Variants in ADAMTSL1 observed in about 807,000 individuals in gnomAD.
ADAMTSL1 encodes ADAMTS like 1.
Under a neutral mutation model 201.8 loss-of-function variants are expected in ADAMTSL1, and 126 were observed. The observed-to-expected ratio is 0.62, with a 90% CI of 0.54 to 0.72. The LOEUF is 0.72. ADAMTSL1 is among the 30% of genes least tolerant of loss of function. The pLI is 0.00. For missense variants in ADAMTSL1, 2,679 were observed against 2,277.8 expected (o/e 1.18, Z -3.59); for synonymous variants, 1,121 against 903.4 (o/e 1.24, Z -4.32).
intron 23 of ADAMTSL1, among the ~76,000 whole-genome samples, chr9:18,839,034 T>TA (rs1021844701): frequency 5.3e-5 from 8 of 150,816 alleles, no homozygotes; most frequent in East Asian, 1.9e-4. Flanking sequence ...TTTTTTTTTT[T>TA]AATTTTATTA....
chr9:17,955,973 T>C (rs952479238), intron 1 of ADAMTSL1, among the ~76,000 whole-genome samples: 1 of 152,178 alleles, frequency 6.6e-6, no homozygotes, highest in African/African-American at 2.4e-5. Context: ...ACACATTTTT[T>C]AAAACAAATC....
At chr9:18,322,670 A>G (rs985031504) in intron 2 of ADAMTSL1, among the ~76,000 whole-genome samples, 19 of 152,096 alleles carry the variant, frequency 1.2e-4, no homozygotes, top group African/African-American at 4.6e-4. Flanking sequence ...CAAAAAGAAA[A>G]ACCGTTAGCA....
intron 1 of ADAMTSL1, among the ~76,000 whole-genome samples, chr9:18,141,457 C>T (rs1446539447): frequency 6.6e-6 from 1 of 152,148 alleles, no homozygotes; most frequent in Non-Finnish European, 1.5e-5. Flanking sequence ...ATTCAAGATT[C>T]TGAGGTTAAA....
chr9:18,333,038 C>A, intron 2 of ADAMTSL1, among the ~76,000 whole-genome samples: 1 of 152,154 alleles, frequency 6.6e-6, no homozygotes. Flanking sequence ...TTTTCTCTTT[C>A]CCACTTCAGA....
At chr9:18,561,223 T>C (rs1821474965) in intron 3 of ADAMTSL1, among the ~76,000 whole-genome samples, 1 of 152,214 alleles carries the variant, frequency 6.6e-6, no homozygotes. Context: ...GAGATTTTGG[T>C]ATGTTGTCTC....
chr9:18,582,773 A>C (rs200025937), intron 4 of ADAMTSL1, among the ~76,000 whole-genome samples: 3 of 151,830 alleles, frequency 2.0e-5, no homozygotes, highest in African/African-American at 7.3e-5. Context: ...TGCTTGAACC[A>C]GGGAGGCGGA....
chr9:17,960,957 C>T (rs889548746), intron 1 of ADAMTSL1, among the ~76,000 whole-genome samples: 8 of 152,090 alleles, frequency 5.3e-5, no homozygotes, highest in African/African-American at 1.9e-4. Context: ...GAATCTTTTG[C>T]TAAGATTATG....
chr9:18,737,062 T>C (rs1818537952), intron 15 of ADAMTSL1, among the ~76,000 whole-genome samples: 1 of 152,122 alleles, frequency 6.6e-6, no homozygotes, highest in Non-Finnish European at 1.5e-5. Context: ...CTCACGCCTG[T>C]AATCCCAACA....
chr9:18,439,844 T>C (rs1020060683), intron 2 of ADAMTSL1, among the ~76,000 whole-genome samples: 1 of 152,212 alleles, frequency 6.6e-6, no homozygotes, highest in Admixed American at 6.5e-5. Context: ...AGCCGTTTGA[T>C]AGATGACAAA....
chr9:18,568,335 G>A (rs1322850477), intron 3 of ADAMTSL1, among the ~76,000 whole-genome samples: 2 of 152,082 alleles, frequency 1.3e-5, no homozygotes, highest in Non-Finnish European at 2.9e-5. Flanking sequence ...AAAAGAGGCA[G>A]CCCACCATCT....
intron 1 of ADAMTSL1, among the ~76,000 whole-genome samples, chr9:17,967,052 A>T (rs139192012): frequency 1.3e-5 from 2 of 152,258 alleles, no homozygotes; most frequent in African/African-American, 4.8e-5. Context: ...TACTTTTCTA[A>T]AAGTTGTAAT....
At chr9:18,325,500 C>G (rs1834795199) in intron 2 of ADAMTSL1, among the ~76,000 whole-genome samples, 1 of 152,158 alleles carries the variant, frequency 6.6e-6, no homozygotes, top group South Asian at 2.1e-4. Flanking sequence ...ATAAGATACA[C>G]TATTGGATAT....
chr9:18,815,261 A>G (rs1350293879), intron 20 of ADAMTSL1, among the ~76,000 whole-genome samples: 1 of 152,066 alleles, frequency 6.6e-6, no homozygotes, highest in Non-Finnish European at 1.5e-5. Flanking sequence ...GCACTCCAAT[A>G]TTTACTGCAG....
rs1210353831 is a variant in ADAMTSL1, at chr9:18,777,501, A to T, written c.3272A>T (p.Glu1091Val). ...ILGNLSQQPE[E>V]LRDLYSKHLV... The stretch of plus-strand genomic sequence containing the variant: ...GGGAACCTCTCCCAGCAGCCCGAGG[A>T]GCTGCGCGACCTCTACAGCAAGCAC... Residue 1091 changes from glutamate to valine, a missense_variant, in exon 19 of 29, where the codon GAG (glutamate) becomes GTG (valine). Glu to Val is a moderately radical substitution (Grantham distance 121). Transcript: ENST00000380548. The T allele has an allele frequency of 6.3e-7, 1 of 1,596,246 alleles. No homozygotes were observed. The highest frequency in any genetic ancestry group is 8.5e-7 in the Non-Finnish European group (1 of 1,171,854).
intron 24 of ADAMTSL1, 21 bp downstream of exon 24, chr9:18,888,064 T>G (rs770917067): frequency 1.2e-6 from 2 of 1,604,304 alleles, no homozygotes; most frequent in African/African-American, 2.7e-5. Flanking sequence ...CTGCAGACTT[T>G]GCATACTGGA....
At chr9:18,276,544 C>T (rs542670410) in intron 2 of ADAMTSL1, among the ~76,000 whole-genome samples, 1 of 152,182 alleles carries the variant, frequency 6.6e-6, no homozygotes, top group South Asian at 2.1e-4. Flanking sequence ...TAAGGGAATA[C>T]CTGAGGCTTG....
chr9:18,058,789 C>T (rs1233228908), intron 1 of ADAMTSL1, among the ~76,000 whole-genome samples: 8 of 152,074 alleles, frequency 5.3e-5, no homozygotes, highest in Non-Finnish European at 1.2e-4. Flanking sequence ...ATGAATAAGC[C>T]AAGCAGGGAT....
chr9:17,929,379 C>A (rs55790445), intron 1 of ADAMTSL1, among the ~76,000 whole-genome samples: 6,642 of 152,038 alleles, frequency 0.044, 220 homozygotes, highest in Non-Finnish European at 0.06. Flanking sequence ...TCTTTCGTAT[C>A]CCTAAGAACC....
intron 1 of ADAMTSL1, among the ~76,000 whole-genome samples, chr9:18,067,573 A>G (rs760188395): frequency 6.6e-6 from 1 of 152,206 alleles, no homozygotes; most frequent in Non-Finnish European, 1.5e-5. Flanking sequence ...AATTACAGTC[A>G]TGTTAATTCA....
Sources: gnomAD v4.1 joint callset for allele counts (sites outside exome capture counted in the v4.1 genomes callset) on GRCh38, gnomAD v4.1.1 for gene constraint, MANE v1.5 for transcripts, NCBI Gene and HGNC (gene_info 2026-07-23, HGNC 2026-07-21) for gene names.